CALN1: variants seen among roughly 807,000 people sequenced by gnomAD.
CALN1 encodes calcium-binding protein 8.
In CALN1, 17 loss-of-function variants were observed where a neutral mutation model predicts 30.6. The observed-to-expected ratio is 0.56, with a 90% CI of 0.38 to 0.83. CALN1 has a LOEUF of 0.83. Ranked by LOEUF, CALN1 falls within the 40% of genes least tolerant of loss-of-function variation. CALN1 has a pLI of 0.00. For synonymous variants in CALN1, 156 were observed against 131.4 expected, an observed-to-expected ratio of 1.19 and a Z score of -1.28; for missense variants, 291 against 354.9, an observed-to-expected ratio of 0.82 and a Z score of 1.45.
chr7:71,931,821 A>G (rs1443428873), intron 5 of CALN1, among the ~76,000 whole-genome samples: 1 of 152,010 alleles, frequency 6.6e-6, no homozygotes, highest in Non-Finnish European at 1.5e-5. Context: ...CATTCTTCTG[A>G]TTTGTCTTCC....
intron 4 of CALN1, among the ~76,000 whole-genome samples, chr7:72,069,999 C>A (rs1424712592): frequency 6.6e-6 from 1 of 152,194 alleles, no homozygotes; most frequent in Non-Finnish European, 1.5e-5. Context: ...TGTCCCCAAA[C>A]TCTATGGGGC....
At chr7:71,980,152 C>G in intron 5 of CALN1, among the ~76,000 whole-genome samples, 1 of 145,100 alleles carries the variant, frequency 6.9e-6, no homozygotes, top group South Asian at 2.2e-4. Context: ...TGCAGGATTA[C>G]GGGCGTGAGC....
Position 72,113,117 on chromosome 7 carries a change from T to A in CALN1, c.245-6823A>T, listed in dbSNP as rs142155732. Among the ~76,000 whole-genome samples the A allele has an allele frequency of 4.4e-3, 668 of 152,242 alleles. 3 individuals carry two copies. The highest frequency in any genetic ancestry group is 0.016 in the African/African-American group (647 of 41,536). ...TGGATGTTTTTTCCCCAAAATCTCA[T>A]GTTGAAATTTGATCTCCAGTGTTGG... is the stretch of plus-strand genomic sequence containing the variant. On this transcript the variant is annotated intron_variant, in intron 3 of 6. Coordinates refer to ENST00000395275, the MANE Select transcript of CALN1 (RefSeq NM_031468.4).
At chr7:72,318,806 C>G (rs913532514) in intron 2 of CALN1, among the ~76,000 whole-genome samples, 1 of 141,628 alleles carries the variant, frequency 7.1e-6, no homozygotes, top group Non-Finnish European at 1.5e-5. Context: ...CCCACCTCAG[C>G]CTCTGGAGTA....
At chr7:72,439,632 CAAT>C (rs2129564340) in intron 1 of CALN1, among the ~76,000 whole-genome samples, 1 of 147,988 alleles carries the variant, frequency 6.8e-6, no homozygotes, top group South Asian at 2.3e-4. Flanking sequence ...GGCTGGAGTG[CAAT>C]GGCGCAATCT....
intron 5 of CALN1, among the ~76,000 whole-genome samples, chr7:71,846,820 AAT>A (rs763844380): frequency 1.5e-4 from 16 of 104,468 alleles, no homozygotes; most frequent in East Asian, 9.1e-4. Flanking sequence ...TATATACATA[AAT>A]ATGTGTATAT....
chr7:72,342,200 A>C (rs1011350821), intron 2 of CALN1, among the ~76,000 whole-genome samples: 3 of 151,342 alleles, frequency 2.0e-5, no homozygotes, highest in African/African-American at 7.3e-5. Flanking sequence ...TCGAGATTAC[A>C]GTGAACTGTG....
chr7:72,163,108 A>G (rs1296168133), intron 3 of CALN1, among the ~76,000 whole-genome samples: 1 of 152,194 alleles, frequency 6.6e-6, no homozygotes, highest in Non-Finnish European at 1.5e-5. Flanking sequence ...ATCTTGTCAA[A>G]TTACAGAGAT....
At chr7:72,338,525 G>GTGTGTGTGTGTCTGTCTGTCTGTCTGTC in intron 2 of CALN1, among the ~76,000 whole-genome samples, 1 of 122,292 alleles carries the variant, frequency 8.2e-6, no homozygotes, top group African/African-American at 3.1e-5. Flanking sequence ...GTGTGTGTGT[G>GTGTGTGTGTGTCTGTCTGTCTGTCTGTC]TGTCTCACCT....
chr7:72,425,390 A>G (rs935511225), intron 1 of CALN1, among the ~76,000 whole-genome samples: 5 of 152,220 alleles, frequency 3.3e-5, no homozygotes, highest in African/African-American at 1.2e-4. Flanking sequence ...CAGGGATTAC[A>G]GGCATGAGCC....
chr7:71,947,499 T>C (rs1459990610), intron 5 of CALN1, among the ~76,000 whole-genome samples: 2 of 152,144 alleles, frequency 1.3e-5, no homozygotes, highest in African/African-American at 2.4e-5. Flanking sequence ...GACACACCCT[T>C]TTCCTATGCT....
rs577142983 is a variant in CALN1 at position 72,267,933 on chromosome 7, G to T, written c.244+10753C>A. ...GAGATGGCAGGATTGCTTGAGCCCA[G>T]AAGTGTGAGGCTGCAGTGAGCTATG... On this transcript the variant is annotated intron_variant, in intron 3 of 6. Transcript: ENST00000395275. Among the ~76,000 whole-genome samples the T allele has an allele frequency of 2.0e-5, 3 of 152,336 alleles. No homozygotes were observed. The South Asian group carries it at 6.2e-4, about 32-fold the overall frequency.
chr7:72,336,616 T>G (rs1490847218), intron 2 of CALN1: 2 of 898,312 alleles, frequency 2.2e-6, no homozygotes, highest in Non-Finnish European at 2.7e-6. Context: ...CCCGGGGGTT[T>G]GGACACCCTA....
chr7:72,229,918 G>A (rs747913765), intron 3 of CALN1, among the ~76,000 whole-genome samples: 26 of 151,990 alleles, frequency 1.7e-4, no homozygotes, highest in Non-Finnish European at 3.1e-4. Flanking sequence ...TGAGCCGCGC[G>A]GATCATGAGG....
intron 4 of CALN1, among the ~76,000 whole-genome samples, chr7:72,037,599 A>C (rs1801879162): frequency 6.6e-6 from 1 of 152,216 alleles, no homozygotes; most frequent in Admixed American, 6.5e-5. Context: ...TGCAATCATC[A>C]GTGACCAGAA....
At chr7:72,105,785 A>AGG (rs949120235) in intron 4 of CALN1, among the ~76,000 whole-genome samples, 1 of 74,046 alleles carries the variant, frequency 1.4e-5, no homozygotes, top group African/African-American at 6.6e-5. Flanking sequence ...GAGGAGGAGG[A>AGG]GGGGGGAGGG....
intron 5 of CALN1, among the ~76,000 whole-genome samples, chr7:71,859,781 G>T (rs1791165873): frequency 6.6e-6 from 1 of 152,208 alleles, no homozygotes; most frequent in Non-Finnish European, 1.5e-5. Flanking sequence ...TGCGGACACG[G>T]TGTCAGAGGC....
the CALN1 span, among the ~76,000 whole-genome samples, chr7:72,477,879 T>TG: frequency 6.6e-6 from 1 of 152,164 alleles, no homozygotes; most frequent in African/African-American, 2.4e-5. Context: ...CTCCCAGGAA[T>TG]ACTCGCCTTT....
chr7:72,387,289 G>GGAGT (rs1805282313), intron 2 of CALN1, among the ~76,000 whole-genome samples: 1 of 109,824 alleles, frequency 9.1e-6, no homozygotes, highest in African/African-American at 3.6e-5. Flanking sequence ...AGGGAGGGAG[G>GGAGT]GAGGGAGGGA....
Sources: gnomAD v4.1 joint callset for allele counts (sites outside exome capture counted in the v4.1 genomes callset) on GRCh38, gnomAD v4.1.1 for gene constraint, MANE v1.5 for transcripts, NCBI Gene and HGNC (gene_info 2026-07-23, HGNC 2026-07-21) for gene names.